Variants in NOLC1 observed in about 807,000 individuals in gnomAD.
NOLC1 encodes 140 kDa nucleolar phosphoprotein.
A neutral mutation model predicts 73.4 loss-of-function variants in NOLC1; 37 were observed. The ratio of observed to expected loss-of-function variants is 0.50; its 90% CI spans 0.39 to 0.66. The LOEUF (loss-of-function observed/expected upper bound fraction) is 0.66, where lower values mean the gene tolerates loss of function less well. Ranked by LOEUF, NOLC1 falls within the 30% of genes least tolerant of loss-of-function variation. The pLI is 0.00. For missense variants in NOLC1, 921 were observed against 838.9 expected, an observed-to-expected ratio of 1.10 and a Z score of -1.21; for synonymous variants, 327 against 302.6, an observed-to-expected ratio of 1.08 and a Z score of -0.84.
intron 10 of NOLC1, 136 bp from the exon 11 acceptor site, chr10:102,161,420 C>A: frequency 1.5e-6 from 1 of 672,392 alleles, no homozygotes; most frequent in Non-Finnish European, 2.6e-6. Flanking sequence ...TTTATAGAGA[C>A]AGAATCTCAC....
At chr10:102,158,526 ATT>A (rs1479580894) in intron 5 of NOLC1, among the ~76,000 whole-genome samples, 1 of 151,984 alleles carries the variant, frequency 6.6e-6, no homozygotes, top group African/African-American at 2.4e-5. Context: ...TTAAATATCT[ATT>A]TGTTGTGCTT....
At chr10:102,163,866 ATG>A (rs2133766593) in exon 13 of NOLC1, 1 of 152,356 alleles carries the variant, frequency 6.6e-6, no homozygotes, top group African/African-American at 2.4e-5. Flanking sequence ...CTGGTTTATA[ATG>A]TGTCTTGGGA....
In NOLC1 at chr10:102,156,883, T is replaced by G. The variant is rs2069604823; in HGVS notation, c.121-136T>G. The G allele has an allele frequency of 1.6e-5, 13 of 836,630 alleles. No homozygotes were observed. The South Asian group carries it at 1.9e-4, about 12-fold the overall frequency. 51.8% of individuals were successfully genotyped at this position (836,630 alleles called of 1,614,324 possible). A position where few individuals can be genotyped will look rare whatever the true frequency, so the allele number is the denominator to read the frequency against. ...ACAAATAGAATATTTTTCTCCTGAT[T>G]TATGCACGTAGCAAAAGTTTTATGA... is the stretch of plus-strand genomic sequence containing the variant. On this transcript the variant is annotated intron_variant, in intron 1 of 12. Transcript: ENST00000605788.
chr10:102,155,232 T>C (rs1335202934), intron 1 of NOLC1, among the ~76,000 whole-genome samples: 2 of 150,840 alleles, frequency 1.3e-5, no homozygotes, highest in Non-Finnish European at 3.0e-5. Context: ...TCCATGTTGG[T>C]CAGGCTGGTC....
In NOLC1 at chr10:102,157,341, A is replaced by G. The variant is rs772524848; in HGVS notation, c.316+13A>G. 3.1e-6 allele frequency: 5 copies of G among 1,613,762 alleles called. No individual in the cohort carries two copies. The East Asian group carries it at 6.7e-5, about 22-fold the overall frequency. ...GCAAAGAAGGCTGGTAAGGCAGAGT[A>G]GCAGGTGGGCTTGGTGGTGCCAGGA... On this transcript the variant is annotated intron_variant, in intron 3 of 12. Coordinates refer to ENST00000605788, the MANE Select transcript of NOLC1 (RefSeq NM_004741.5).
Position 102,159,327 on chromosome 10 carries a change from G to A in NOLC1, c.723+19G>A, listed in dbSNP as rs1355225601. The stretch of plus-strand genomic sequence containing the variant: ...CAAGAAGGTCTGGACCATAACTTCT[G>A]TCAGGGCAGAGGTGACCAGGGTGTG... On this transcript the variant is annotated intron_variant, in intron 6 of 12. Transcript: ENST00000605788. The A allele has an allele frequency of 1.2e-6, 2 of 1,613,988 alleles. No homozygotes were observed. The highest frequency in any genetic ancestry group is 1.3e-5 in the African/African-American group (1 of 74,902).
intron 5 of NOLC1, 55 bp from the exon 6 acceptor site, chr10:102,159,138 A>C (rs1002679486): frequency 1.3e-6 from 2 of 1,539,160 alleles, no homozygotes; most frequent in African/African-American, 2.8e-5. Flanking sequence ...GAGGTTTTTC[A>C]TGGTCCTGAC....
intron 1 of NOLC1, among the ~76,000 whole-genome samples, chr10:102,154,281 C>T (rs1428495742): frequency 1.4e-4 from 19 of 138,726 alleles, no homozygotes; most frequent in African/African-American, 4.3e-4. Context: ...GACGGGGTTT[C>T]ACCATGTTGG....
At position 102,160,753 on chromosome 10, in the gene NOLC1, G is replaced by A. The variant is rs1198475156; in HGVS notation, c.1401G>A (p.Arg467=). The A allele has an allele frequency of 8.1e-6, 13 of 1,613,998 alleles. No homozygotes were observed. The highest frequency in any genetic ancestry group is 3.3e-4 in the Middle Eastern group (2 of 6,082). ...LPAKQAPQGS[R]DSSSDSDSSS... ...CCAAGCAGGCTCCTCAGGGTAGTAG[G>A]GACAGCAGCTCTGATTCAGACAGCT... is the stretch of plus-strand genomic sequence containing the variant. Residue 467 remains arginine (R), a synonymous_variant, in exon 10 of 13, where the codon AGG becomes AGA. Transcript: ENST00000605788.
Position 102,152,538 on chromosome 10 carries a change from CCGGGCTTGGGG to C in NOLC1, c.120+13_120+23del. ...GCCAAAGCGACAGGAGCTGTGAGTT[CCGGGCTTGGGG>C]CGGGGACCGGGCTGAGATGACCACA... On this transcript the variant is annotated intron_variant, in intron 1 of 12. Coordinates refer to ENST00000605788, the MANE Select transcript of NOLC1 (RefSeq NM_004741.5). The C allele has an allele frequency of 6.2e-7, 1 of 1,613,518 alleles. No individual in the cohort carries two copies. The highest frequency in any genetic ancestry group is 8.5e-7 in the Non-Finnish European group (1 of 1,179,980).
intron 1 of NOLC1, 94 bp from the exon 2 acceptor site, chr10:102,156,925 C>T: frequency 8.5e-7 from 1 of 1,179,144 alleles, no homozygotes; most frequent in Non-Finnish European, 1.2e-6. Flanking sequence ...AACATTTATA[C>T]CAAATTTAGT....
chr10:102,159,643 T>C, intron 7 of NOLC1, 75 bp downstream of exon 7: 1 of 1,418,868 alleles, frequency 7.0e-7, no homozygotes, highest in Non-Finnish European at 9.7e-7. Flanking sequence ...GACCTCTCCA[T>C]AGAGGTGCAT....
At chr10:102,161,802 G>A (rs1256182201) in intron 11 of NOLC1, 31 bp from the exon 12 acceptor site, 3 of 1,604,104 alleles carry the variant, frequency 1.9e-6, no homozygotes, top group East Asian at 2.2e-5. Flanking sequence ...TGACCACTCT[G>A]TCTTTAATTT....
At chr10:102,153,225 AT>A (rs953771347) in intron 1 of NOLC1, among the ~76,000 whole-genome samples, 2 of 152,120 alleles carry the variant, frequency 1.3e-5, no homozygotes, top group African/African-American at 4.8e-5. Flanking sequence ...ACTTTATAGG[AT>A]TTTTGTGAGT....
At position 102,160,960 on chromosome 10, in the gene NOLC1, G is replaced by A. The variant is rs1250862072; in HGVS notation, c.1608G>A (p.Lys536=). 6.2e-7 allele frequency: 1 copy of A among 1,614,158 alleles called. No homozygotes were observed. Among genetic ancestry groups the A allele is most frequent in the Non-Finnish European group, 8.5e-7 (1 of 1,180,044 alleles). The change falls in exon 10 of 13, where the codon AAG becomes AAA. Residue 536 remains lysine, a synonymous_variant. Coordinates refer to ENST00000605788, the MANE Select transcript of NOLC1 (RefSeq NM_004741.5). ...AAGAGGAAGAGAAGCTCAAGGGCAA[G>A]GGCTCTCCAAGACCACAAGCCCCCA... is the stretch of plus-strand genomic sequence containing the variant. ...SEEEEEKLKG[K]GSPRPQAPKA...
In NOLC1 at chr10:102,157,939, T is replaced by G. The variant is rs2069625833; in HGVS notation, c.442-110T>G. On this transcript the variant is annotated intron_variant, in intron 4 of 12. Transcript: ENST00000605788. ...CCTTTCCGTATCCTGTCCTTAGCTT[T>G]CTTTTGCTCTTACTGCTCCATTAGG... is the stretch of plus-strand genomic sequence containing the variant. 44 of 989,100 alleles carry G rather than the reference T, an allele frequency of 4.4e-5. 1 individual carries two copies. In the South Asian group the frequency reaches 6.9e-4, roughly 16 times the overall value. 61.3% of individuals were successfully genotyped at this position (989,100 alleles called of 1,614,324 possible).
In NOLC1 at chr10:102,157,289, G is replaced by T. The variant is rs201201623; in HGVS notation, c.277G>T (p.Glu93Ter). 8.7e-6 allele frequency: 14 copies of T among 1,614,238 alleles called. No homozygotes were observed. The highest frequency in any genetic ancestry group is 1.2e-5 in the Non-Finnish European group (14 of 1,180,040). Residue 93 changes from glutamate (E) to a stop codon, truncating the protein, a stop_gained, in exon 3 of 13, where the codon GAG becomes TAG. Transcript: ENST00000605788. LOFTEE classifies it high-confidence loss of function. ...CAGTGACAGTGAGGACAGCAGCGAG[G>T]AGGAGGAGGAAGTTCAAGGGCCTCC... The part of the protein sequence containing the change: ...SSSDSEDSSE[E>*]EEEVQGPPAK...
intron 1 of NOLC1, among the ~76,000 whole-genome samples, chr10:102,153,567 C>A (rs1436616952): frequency 2.6e-5 from 4 of 152,014 alleles, no homozygotes; most frequent in Non-Finnish European, 5.9e-5. Context: ...GCCATGTGAT[C>A]TAACTGCTTT....
rs766710079 is a variant in NOLC1 at position 102,159,179 on chromosome 10, C to T, written c.608-14C>T. On this transcript the variant is annotated splice_polypyrimidine_tract_variant and intron_variant, in intron 5 of 12. Coordinates refer to ENST00000605788, the MANE Select transcript of NOLC1 (RefSeq NM_004741.5). ...CTAATACTCCTTACTCTTTCTTTTT[C>T]TTGGGTATTCCAGCTCGAGCAGCAC... The T allele has an allele frequency of 6.4e-7, 1 of 1,574,350 alleles. No individual in the cohort carries two copies. The highest frequency in any genetic ancestry group is 1.1e-5 in the South Asian group (1 of 90,368).
Sources: allele counts gnomAD v4.1 joint callset (sites outside exome capture counted in the v4.1 genomes callset), GRCh38; gene constraint gnomAD v4.1.1; transcripts MANE v1.5; gene names NCBI Gene and HGNC (gene_info 2026-07-23, HGNC 2026-07-21).